Variants in CYTH3 observed in about 807,000 individuals in gnomAD.
The protein encoded by CYTH3 is cytohesin-3.
Under a neutral mutation model 55.1 loss-of-function variants are expected in CYTH3, and 23 were observed. That is an observed-to-expected ratio of 0.42 (90% CI 0.30 to 0.59). The LOEUF (loss-of-function observed/expected upper bound fraction) is 0.59. Ranked by LOEUF, CYTH3 falls within the 20% of genes least tolerant of loss-of-function variation. CYTH3 has a pLI of 0.20. For missense variants in CYTH3, 413 were observed against 524.8 expected (o/e 0.79, Z 2.08); for synonymous variants, 249 against 194.9 (o/e 1.28, Z -2.31).
Position 6,187,837 on chromosome 7 carries a change from A to C in CYTH3, c.118-116T>G. The C allele has an allele frequency of 3.6e-6, 3 of 833,388 alleles. No homozygotes were observed. In the South Asian group the frequency reaches 4.1e-5, roughly 11 times the overall value. The allele number at this position is 833,388 out of a possible 1,614,324, so 51.6% of individuals were successfully genotyped here. A position where few individuals can be genotyped will look rare whatever the true frequency, so the allele number is the denominator to read the frequency against. The stretch of plus-strand genomic sequence containing the variant: ...CCCTGCGGTCTCACCGGAGCATCAC[A>C]GGGATGGAAAAACCAATACTATTAT... On this transcript the variant is annotated intron_variant, in intron 2 of 12. Transcript: ENST00000350796.
At position 6,164,940 on chromosome 7, in the gene CYTH3, A is replaced by G. The variant is rs1207320928; in HGVS notation, c.*4T>C. On this transcript the variant is annotated 3_prime_UTR_variant, in exon 13 of 13. Transcript: ENST00000350796. ...CTTTTACCTGGGTCTTTTAGCCAGG[A>G]AAGCTATTTTTTATTGGCAATCCTT... 4 of 1,614,198 alleles carry G rather than the reference A, an allele frequency of 2.5e-6. No individual in the cohort carries two copies. Among genetic ancestry groups the G allele is most frequent in the Non-Finnish European group, 3.4e-6 (4 of 1,180,032 alleles).
chr7:6,188,302 C>T (rs1005359300), intron 2 of CYTH3, among the ~76,000 whole-genome samples: 4 of 151,192 alleles, frequency 2.6e-5, no homozygotes, highest in Non-Finnish European at 4.4e-5. Context: ...CACTGTACTC[C>T]AGTCTGGGTG....
chr7:6,187,320 C>G (rs896853464), intron 3 of CYTH3, among the ~76,000 whole-genome samples: 1 of 152,216 alleles, frequency 6.6e-6, no homozygotes, highest in Non-Finnish European at 1.5e-5. Flanking sequence ...TGAGACACTT[C>G]AGAAAAAGCT....
At chr7:6,266,909 T>C (rs576262152) in intron 1 of CYTH3, among the ~76,000 whole-genome samples, 2 of 152,336 alleles carry the variant, frequency 1.3e-5, no homozygotes, top group South Asian at 2.1e-4. Context: ...CTGATACAGT[T>C]TGGATATATG....
rs147595973 is a variant in CYTH3, at chr7:6,165,770, C to G, written c.864G>C (p.Leu288=). ...VKTWKRRWFI[L]TDNCLYYFEY... ...CAAAGTAATAGAGGCAGTTATCGGT[C>G]AGGATGAACCACCGGCGCTTCCAGG... Residue 288 remains leucine (L), a synonymous_variant, in exon 10 of 13, where the codon CTG becomes CTC. Transcript: ENST00000350796. The G allele has an allele frequency of 2.7e-5, 43 of 1,613,984 alleles. No individual in the cohort carries two copies. In the African/African-American group the frequency reaches 5.6e-4, roughly 21 times the overall value.
At chr7:6,221,470 G>A (rs907413223) in intron 1 of CYTH3, among the ~76,000 whole-genome samples, 1 of 152,194 alleles carries the variant, frequency 6.6e-6, no homozygotes, top group Non-Finnish European at 1.5e-5. Context: ...ACTTTGTGGT[G>A]ATGGAACAGT....
At chr7:6,256,298 G>A (rs753398025) in intron 1 of CYTH3, among the ~76,000 whole-genome samples, 3 of 152,186 alleles carry the variant, frequency 2.0e-5, no homozygotes, top group Non-Finnish European at 2.9e-5. Context: ...CAGGCAGGGG[G>A]CCCTAGAGCA....
chr7:6,258,957 G>C (rs1780205641), intron 1 of CYTH3, among the ~76,000 whole-genome samples: 1 of 152,124 alleles, frequency 6.6e-6, no homozygotes, highest in Non-Finnish European at 1.5e-5. Flanking sequence ...ATGAAAACAA[G>C]ATTGTTTTTA....
intron 1 of CYTH3, among the ~76,000 whole-genome samples, chr7:6,250,353 T>C (rs568756855): frequency 4.6e-5 from 7 of 152,272 alleles, no homozygotes; most frequent in East Asian, 1.9e-4. Context: ...ACCTTTTCAA[T>C]AGGAAGAAAA....
intron 5 of CYTH3, among the ~76,000 whole-genome samples, chr7:6,174,287 G>C (rs183725454): frequency 1.3e-5 from 2 of 151,566 alleles, no homozygotes; most frequent in South Asian, 4.2e-4. Context: ...GCTAACTTTT[G>C]TATTTTTAGT....
intron 1 of CYTH3, among the ~76,000 whole-genome samples, chr7:6,218,796 G>A (rs1159063197): frequency 1.3e-5 from 2 of 152,102 alleles, no homozygotes; most frequent in African/African-American, 4.8e-5. Context: ...CACGAGGTCA[G>A]GAGATCGAGA....
chr7:6,196,145 A>G (rs552377402), intron 1 of CYTH3, among the ~76,000 whole-genome samples: 2 of 152,296 alleles, frequency 1.3e-5, no homozygotes, highest in South Asian at 2.1e-4. Context: ...AGAAGCCCAT[A>G]AAGTCTATGC....
At chr7:6,257,607 T>C (rs1387602409) in intron 1 of CYTH3, among the ~76,000 whole-genome samples, 2 of 152,228 alleles carry the variant, frequency 1.3e-5, no homozygotes, top group Non-Finnish European at 2.9e-5. Flanking sequence ...AAAGAAAATA[T>C]AACCTAGCCA....
chr7:6,188,099 G>T (rs1783701336), intron 2 of CYTH3, among the ~76,000 whole-genome samples: 1 of 152,168 alleles, frequency 6.6e-6, no homozygotes, highest in African/African-American at 2.4e-5. Flanking sequence ...GGTTGAAGCA[G>T]AGGGATCGCT....
intron 1 of CYTH3, among the ~76,000 whole-genome samples, chr7:6,240,379 A>G (rs1446064637): frequency 6.6e-6 from 1 of 152,090 alleles, no homozygotes; most frequent in Non-Finnish European, 1.5e-5. Flanking sequence ...AGGAAAAACA[A>G]GCAAGCAAGA....
At chr7:6,183,787 G>C (rs563691868) in intron 4 of CYTH3, among the ~76,000 whole-genome samples, 1 of 151,732 alleles carries the variant, frequency 6.6e-6, no homozygotes, top group East Asian at 1.9e-4. Flanking sequence ...GATGCTATCT[G>C]GAGACGGGGT....
intron 1 of CYTH3, among the ~76,000 whole-genome samples, chr7:6,196,456 C>CTTTTTTTT (rs5882084): frequency 5.4e-3 from 617 of 113,432 alleles, no homozygotes; most frequent in Non-Finnish European, 8.8e-3. Context: ...TTCTTTTTTT[C>CTTTTTTTT]TTTTTTTTTT....
At chr7:6,249,754 G>T (rs1283569776) in intron 1 of CYTH3, among the ~76,000 whole-genome samples, 2 of 152,092 alleles carry the variant, frequency 1.3e-5, no homozygotes, top group African/African-American at 4.8e-5. Context: ...CTAAAAATTG[G>T]ATATATTCAA....
chr7:6,255,754 A>ATCTC (rs10631716), intron 1 of CYTH3, among the ~76,000 whole-genome samples: 15,207 of 141,078 alleles, frequency 0.11, 1,315 homozygotes, highest in African/African-American at 0.22. Context: ...TTGACCTTTA[A>ATCTC]TCTGTTTTTT....
Sources: allele counts gnomAD v4.1 joint callset (sites outside exome capture counted in the v4.1 genomes callset), GRCh38; gene constraint gnomAD v4.1.1; transcripts MANE v1.5; gene names NCBI Gene and HGNC (gene_info 2026-07-23, HGNC 2026-07-21).